CACNB2: variants seen among roughly 807,000 people sequenced by gnomAD.
CACNB2 encodes the protein voltage-dependent L-type calcium channel subunit beta-2.
Under a neutral mutation model 73.3 loss-of-function variants are expected in CACNB2, and 42 were observed. The observed-to-expected ratio is 0.57, with a 90% CI of 0.45 to 0.74. The LOEUF is 0.74. Ranked by LOEUF, CACNB2 falls within the 30% of genes least tolerant of loss-of-function variation. The pLI is 0.00. For synonymous variants in CACNB2, 348 were observed against 310.3 expected (o/e 1.12, Z -1.28); for missense variants, 940 against 853.0 (o/e 1.10, Z -1.27).
chr10:18,231,130 T>C (rs2036209428), intron 2 of CACNB2, among the ~76,000 whole-genome samples: 1 of 152,152 alleles, frequency 6.6e-6, no homozygotes, highest in African/African-American at 2.4e-5. Flanking sequence ...ATCTTAGGCC[T>C]TTGGTTGCCA....
At chr10:18,236,876 T>C (rs2036466186) in intron 2 of CACNB2, among the ~76,000 whole-genome samples, 1 of 152,170 alleles carries the variant, frequency 6.6e-6, no homozygotes, top group Admixed American at 6.5e-5. Flanking sequence ...GGGGACTGTT[T>C]CAATCTGACA....
chr10:18,449,521 T>G (rs1049038419), intron 3 of CACNB2, among the ~76,000 whole-genome samples: 3 of 152,240 alleles, frequency 2.0e-5, no homozygotes, highest in Non-Finnish European at 4.4e-5. Flanking sequence ...AGAGGGGGTT[T>G]GCTAAGAACC....
intron 2 of CACNB2, among the ~76,000 whole-genome samples, chr10:18,190,942 G>A (rs2034367011): frequency 6.6e-6 from 1 of 152,262 alleles, no homozygotes; most frequent in Admixed American, 6.5e-5. Flanking sequence ...AAGCAGAGGT[G>A]TGATATCATT....
chr10:18,516,953 G>T (rs530314007), intron 7 of CACNB2, among the ~76,000 whole-genome samples: 3 of 151,932 alleles, frequency 2.0e-5, no homozygotes, highest in Non-Finnish European at 4.4e-5. Context: ...TGATTATATC[G>T]TCTGTGACTA....
At chr10:18,164,135 C>G (rs944213071) in intron 2 of CACNB2, among the ~76,000 whole-genome samples, 1 of 152,114 alleles carries the variant, frequency 6.6e-6, no homozygotes, top group African/African-American at 2.4e-5. Flanking sequence ...GATAAAATAC[C>G]ACCATGTGCA....
At chr10:18,261,837 A>T in intron 2 of CACNB2, 1 of 469,204 alleles carries the variant, frequency 2.1e-6, no homozygotes, top group Non-Finnish European at 4.3e-6. Context: ...CTTTCACTGA[A>T]ATAGCCCTTA....
At chr10:18,496,442 T>C (rs532973849) in intron 3 of CACNB2, among the ~76,000 whole-genome samples, 146 of 152,290 alleles carry the variant, frequency 9.6e-4, no homozygotes, top group South Asian at 6.4e-3. Context: ...GTGTCTTCTC[T>C]GGCAAGTCCA....
chr10:18,360,492 G>A (rs187166008), intron 2 of CACNB2, among the ~76,000 whole-genome samples: 2 of 152,252 alleles, frequency 1.3e-5, no homozygotes, highest in East Asian at 3.9e-4. Context: ...ACAAAGTGCT[G>A]GGATTACAGG....
intron 4 of CACNB2, among the ~76,000 whole-genome samples, chr10:18,499,573 C>T (rs1391505372): frequency 8.1e-6 from 1 of 123,064 alleles, no homozygotes; most frequent in Non-Finnish European, 1.8e-5. Context: ...CGAGATTGCG[C>T]CACTGCACCC....
At chr10:18,182,377 A>G (rs1243666188) in intron 2 of CACNB2, among the ~76,000 whole-genome samples, 1 of 152,080 alleles carries the variant, frequency 6.6e-6, no homozygotes, top group African/African-American at 2.4e-5. Context: ...TGTAAAATAT[A>G]AAAACGTAGG....
intron 11 of CACNB2, among the ~76,000 whole-genome samples, chr10:18,535,536 G>T (rs1470382938): frequency 6.6e-6 from 1 of 152,082 alleles, no homozygotes; most frequent in Non-Finnish European, 1.5e-5. Context: ...ACTCTACTAG[G>T]CTGAGGTGGG....
chr10:18,261,927 T>C (rs2037562823), intron 2 of CACNB2: 1 of 518,592 alleles, frequency 1.9e-6, no homozygotes, highest in African/African-American at 1.9e-5. Flanking sequence ...AATATTGAAG[T>C]GTATCACTAC....
chr10:18,155,023 C>T (rs188403408), intron 2 of CACNB2, among the ~76,000 whole-genome samples: 11 of 152,254 alleles, frequency 7.2e-5, no homozygotes, highest in African/African-American at 2.4e-4. Flanking sequence ...TATAATTAGG[C>T]TTGAAAATGG....
intron 6 of CACNB2, 73 bp downstream of exon 6, chr10:18,506,620 AT>A: frequency 1.1e-6 from 1 of 932,030 alleles, no homozygotes; most frequent in Non-Finnish European, 1.8e-6. Flanking sequence ...AGTTTTGTGA[AT>A]TTACGTATAC....
chr10:18,390,090 T>A (rs2043399212), intron 2 of CACNB2, among the ~76,000 whole-genome samples: 1 of 152,256 alleles, frequency 6.6e-6, no homozygotes, highest in South Asian at 2.1e-4. Context: ...CATTCATGCC[T>A]GTAGATTAAT....
intron 2 of CACNB2, among the ~76,000 whole-genome samples, chr10:18,249,827 G>T (rs2037017009): frequency 6.6e-6 from 1 of 152,132 alleles, no homozygotes; most frequent in African/African-American, 2.4e-5. Flanking sequence ...CTACCTGACT[G>T]CTCCACATCG....
chr10:18,249,912 C>G (rs2131548259), intron 2 of CACNB2, among the ~76,000 whole-genome samples: 1 of 152,202 alleles, frequency 6.6e-6, no homozygotes, highest in East Asian at 1.9e-4. Flanking sequence ...CTGCTCCTCC[C>G]TAAATATTTT....
chr10:18,489,877 G>A (rs1237543204), intron 3 of CACNB2, among the ~76,000 whole-genome samples: 1 of 152,066 alleles, frequency 6.6e-6, no homozygotes, highest in African/African-American at 2.4e-5. Flanking sequence ...TGGCCTTGGT[G>A]TTTTAGTTTC....
rs2052496289 is a variant in CACNB2 at position 18,526,671 on chromosome 10, T to G, written c.945-917T>G. On this transcript the variant is annotated intron_variant, in intron 9 of 13. Coordinates refer to ENST00000324631, the MANE Select transcript of CACNB2 (RefSeq NM_201596.3). The stretch of plus-strand genomic sequence containing the variant: ...AAATTTTGTTGCTCTCATTTCTACC[T>G]TATCTAAAATGATACTCCCAATTCA... Among the ~76,000 whole-genome samples the G allele has an allele frequency of 2.6e-5, 4 of 152,344 alleles. No individual in the cohort carries two copies. In the South Asian group the frequency reaches 8.3e-4, roughly 32 times the overall value.
Sources: gnomAD v4.1 joint callset for allele counts (sites outside exome capture counted in the v4.1 genomes callset) on GRCh38, gnomAD v4.1.1 for gene constraint, MANE v1.5 for transcripts, NCBI Gene and HGNC (gene_info 2026-07-23, HGNC 2026-07-21) for gene names.